The following HMGB1 variants were observed in gnomAD, a reference collection of about 807,000 sequenced individuals.
HMGB1 encodes the protein high mobility group box 1.
For synonymous variants in HMGB1, 81 were observed against 84.0 expected, an observed-to-expected ratio of 0.96 and a Z score of 0.19; for missense variants, 79 against 253.5, an observed-to-expected ratio of 0.31 and a Z score of 4.67.
chr13:30,529,755 G>C (rs1490654557), intron 1 of HMGB1, among the ~76,000 whole-genome samples: 1 of 152,154 alleles, frequency 6.6e-6, no homozygotes, highest in African/African-American at 2.4e-5. Context: ...CAGGGATGCT[G>C]AAACAGCAGC....
chr13:30,514,446 C>T (rs1252980353), intron 1 of HMGB1, among the ~76,000 whole-genome samples: 1 of 150,864 alleles, frequency 6.6e-6, no homozygotes, highest in Non-Finnish European at 1.5e-5. Flanking sequence ...ACCTCAGCCT[C>T]CCATGTAGTT....
At chr13:30,581,395 C>A (rs1870895764) in intron 1 of HMGB1, among the ~76,000 whole-genome samples, 1 of 152,140 alleles carries the variant, frequency 6.6e-6, no homozygotes, top group African/African-American at 2.4e-5. Context: ...CAGGCTGAAT[C>A]CTGCCTGCTG....
chr13:30,506,027 T>A (rs989690260), intron 1 of HMGB1, among the ~76,000 whole-genome samples: 1 of 152,150 alleles, frequency 6.6e-6, no homozygotes, highest in Non-Finnish European at 1.5e-5. Flanking sequence ...GCACCTGGCC[T>A]GGAGACAGAT....
At chr13:30,495,703 C>T (rs1887595896) in intron 1 of HMGB1, among the ~76,000 whole-genome samples, 1 of 152,194 alleles carries the variant, frequency 6.6e-6, no homozygotes, top group Admixed American at 6.5e-5. Context: ...TGGTCTCGAT[C>T]TCCTGACCCT....
intron 1 of HMGB1, among the ~76,000 whole-genome samples, chr13:30,571,561 T>C (rs1348413921): frequency 1.3e-5 from 2 of 152,204 alleles, no homozygotes; most frequent in Non-Finnish European, 2.9e-5. Context: ...CCCAAAGTGC[T>C]GGGATTACAG....
intron 1 of HMGB1, among the ~76,000 whole-genome samples, chr13:30,582,409 C>A (rs900249510): frequency 3.3e-5 from 5 of 152,058 alleles, no homozygotes; most frequent in Admixed American, 1.3e-4. Context: ...GAGTCCGAGG[C>A]GGGCAGATCA....
At chr13:30,607,177 A>G (rs1027141759) in intron 1 of HMGB1, among the ~76,000 whole-genome samples, 1 of 152,200 alleles carries the variant, frequency 6.6e-6, no homozygotes, top group Admixed American at 6.5e-5. Context: ...CCTCACTTGA[A>G]TAAATCAGTA....
At chr13:30,598,936 G>A (rs986610834) in intron 1 of HMGB1, among the ~76,000 whole-genome samples, 5 of 151,252 alleles carry the variant, frequency 3.3e-5, no homozygotes, top group Admixed American at 3.3e-4. Context: ...GCATATATAT[G>A]TGTATATACA....
rs1172942549 is a variant in HMGB1 at position 30,458,049 on chromosome 13, C to A, written c.*3308G>T. 1 of 152,132 alleles carries A rather than the reference C, an allele frequency of 6.6e-6. No homozygotes were observed. The highest frequency in any genetic ancestry group is 2.4e-5 in the African/African-American group (1 of 41,426). 9.4% of individuals were successfully genotyped at this position (152,132 alleles called of 1,614,324 possible). A position where few individuals can be genotyped will look rare whatever the true frequency, so the allele number is the denominator to read the frequency against. Reference sequence around the variant, plus strand: ...AAACAGCCTAATTACCAAAGGCTCACATTTTAGCAAGTTAATTCTAAGACT... The same window carrying A: ...AAACAGCCTAATTACCAAAGGCTCAAATTTTAGCAAGTTAATTCTAAGACT... On this transcript the variant is annotated 3_prime_UTR_variant, in exon 5 of 5. Coordinates refer to ENST00000341423, the MANE Select transcript of HMGB1 (RefSeq NM_002128.7).
chr13:30,475,222 TCTC>T (rs1487205342), intron 1 of HMGB1, among the ~76,000 whole-genome samples: 1 of 93,060 alleles, frequency 1.1e-5, no homozygotes, highest in Non-Finnish European at 2.2e-5. Context: ...TCTCTCTCTC[TCTC>T]TTTTTTTTTT....
At chr13:30,510,037 C>T (rs1279306873) in intron 1 of HMGB1, among the ~76,000 whole-genome samples, 2 of 152,178 alleles carry the variant, frequency 1.3e-5, no homozygotes, top group Non-Finnish European at 2.9e-5. Flanking sequence ...CATAGCCCTC[C>T]CAAATCCACA....
intron 1 of HMGB1, chr13:30,464,030 A>G (rs1270593388): frequency 8.0e-5 from 71 of 882,616 alleles, no homozygotes; most frequent in Non-Finnish European, 9.7e-5. Context: ...CTAGAACACC[A>G]TTTTAAACCA....
chr13:30,547,450 C>T (rs949239031), intron 1 of HMGB1, among the ~76,000 whole-genome samples: 55 of 152,242 alleles, frequency 3.6e-4, no homozygotes, highest in Admixed American at 2.8e-3. Flanking sequence ...AGCCTTAAGC[C>T]GAGTCAAGAG....
chr13:30,558,500 TA>T (rs954176469), intron 1 of HMGB1, among the ~76,000 whole-genome samples: 2 of 152,144 alleles, frequency 1.3e-5, no homozygotes, highest in African/African-American at 4.8e-5. Flanking sequence ...ATAAGTCATG[TA>T]AAAAAAGATT....
chr13:30,539,307 C>T (rs1868750921), intron 1 of HMGB1, among the ~76,000 whole-genome samples: 1 of 152,212 alleles, frequency 6.6e-6, no homozygotes, highest in Admixed American at 6.5e-5. Flanking sequence ...CATTCCAATT[C>T]ACCCAGCCAC....
chr13:30,551,328 C>G (rs369179532), intron 1 of HMGB1, among the ~76,000 whole-genome samples: 2 of 152,170 alleles, frequency 1.3e-5, no homozygotes, highest in East Asian at 3.8e-4. Context: ...CTGAACTGAA[C>G]CAAGTCCATC....
chr13:30,525,727 A>T (rs1474367206), intron 1 of HMGB1, among the ~76,000 whole-genome samples: 5 of 152,262 alleles, frequency 3.3e-5, no homozygotes, highest in African/African-American at 1.2e-4. Context: ...ATAAAAAAAA[A>T]AACCATCAGG....
At chr13:30,566,516 T>C (rs142272416) in intron 1 of HMGB1, among the ~76,000 whole-genome samples, 123 of 152,324 alleles carry the variant, frequency 8.1e-4, no homozygotes, top group African/African-American at 2.9e-3. Flanking sequence ...TGTCATGAAA[T>C]ATTCTTTTGA....
chr13:30,461,564 G>A (rs1229116167), intron 4 of HMGB1, 31 bp from the exon 5 acceptor site: 1 of 1,569,558 alleles, frequency 6.4e-7, no homozygotes, highest in Non-Finnish European at 8.7e-7. Context: ...TAAAACAGTA[G>A]GGAAGAAAAA....
Sources: allele counts gnomAD v4.1 joint callset (sites outside exome capture counted in the v4.1 genomes callset), GRCh38; gene constraint gnomAD v4.1.1; transcripts MANE v1.5; gene names NCBI Gene and HGNC (gene_info 2026-07-23, HGNC 2026-07-21).